The following ACOT11 variants were observed in gnomAD, a reference collection of about 807,000 sequenced individuals.
ACOT11 encodes acyl-CoA thioesterase 11.
Under a neutral mutation model 77.5 loss-of-function variants are expected in ACOT11, and 69 were observed. The ratio of observed to expected loss-of-function variants is 0.89; its 90% CI spans 0.73 to 1.09. The LOEUF is 1.09. Ranked by LOEUF, ACOT11 falls within the 50% of genes least tolerant of loss-of-function variation. The pLI is 0.00. For synonymous variants in ACOT11, 279 were observed against 313.0 expected (o/e 0.89, Z 1.15); for missense variants, 766 against 813.7 (o/e 0.94, Z 0.71).
intron 1 of ACOT11, among the ~76,000 whole-genome samples, chr1:54,576,881 G>A (rs1258852549): frequency 6.6e-6 from 1 of 152,134 alleles, no homozygotes; most frequent in Non-Finnish European, 1.5e-5. Context: ...GGATTGGAAA[G>A]AATCTTGGAG....
In ACOT11 at chr1:54,609,840, C is replaced by T; in HGVS notation, c.*728C>T. 6.2e-7 allele frequency: 1 copy of T among 1,614,118 alleles called. No individual in the cohort carries two copies. Among genetic ancestry groups the T allele is most frequent in the Non-Finnish European group, 8.5e-7 (1 of 1,180,030 alleles). ...GTGGCCAGCTGCTGCAGGCAGGACT[C>T]CAGCGTCAGGATGTTGCCACTTGGA... On this transcript the variant is annotated 3_prime_UTR_variant, in exon 16 of 16. Transcript: ENST00000343744.
intron 1 of ACOT11, among the ~76,000 whole-genome samples, chr1:54,560,201 C>G (rs541089391): frequency 1.8e-4 from 28 of 152,284 alleles, no homozygotes; most frequent in African/African-American, 6.7e-4. Flanking sequence ...CAGCACAGCA[C>G]AGCACAGCCA....
At chr1:54,602,137 C>T (rs143925177) in intron 9 of ACOT11, among the ~76,000 whole-genome samples, 117 of 152,288 alleles carry the variant, frequency 7.7e-4, no homozygotes, top group African/African-American at 2.5e-3. Flanking sequence ...GGCTGGAGGA[C>T]GTTAGATGTG....
rs1364332526 is a variant in ACOT11 at position 54,607,849 on chromosome 1, AG to A, written c.1503-88del. 3.3e-6 allele frequency: 5 copies of A among 1,525,374 alleles called. No homozygotes were observed. The East Asian group carries it at 9.1e-5, about 28-fold the overall frequency. 94.5% of individuals were successfully genotyped at this position (1,525,374 alleles called of 1,614,324 possible). A position where few individuals can be genotyped will look rare whatever the true frequency, so the allele number is the denominator to read the frequency against. Reference sequence around the variant, plus strand: ...CCCCCTGGTGAGGAATCTGTGCTAGAGGGGGCAGGGTCTCGGCCTTGGTTGG... The same window carrying A: ...CCCCCTGGTGAGGAATCTGTGCTAGAGGGGCAGGGTCTCGGCCTTGGTTGG... On this transcript the variant is annotated intron_variant, in intron 14 of 15. Coordinates refer to ENST00000343744, the MANE Select transcript of ACOT11 (RefSeq NM_147161.4). This position sits in a 1 kb window ranked among gnomAD's most constrained non-coding sequence, Gnocchi z 4.5.
Position 54,603,929 on chromosome 1 carries a change from A to G in ACOT11, c.1144A>G (p.Ser382Gly), listed in dbSNP as rs1362365728. ...EVPLSVPWDP[S>G]NQVYLSYNNV... ...GCCCCTCTCCGTCCCCTGGGACCCT[A>G]GCAACCAGGTAAGGCTCTCTGCTCC... Residue 382 changes from serine (S) to glycine (G), a missense_variant, in exon 11 of 16, where the codon AGC (serine) becomes GGC (glycine). Coordinates refer to ENST00000343744, the MANE Select transcript of ACOT11 (RefSeq NM_147161.4). The G allele has an allele frequency of 1.2e-6, 2 of 1,613,964 alleles. No homozygotes were observed. The highest frequency in any genetic ancestry group is 1.1e-5 in the South Asian group (1 of 91,060).
rs771161344 is a variant in ACOT11 at position 54,616,038 on chromosome 1, G to A, written c.1629+7970G>A. 7 of 1,613,976 alleles carry A rather than the reference G, an allele frequency of 4.3e-6. No homozygotes were observed. The South Asian group carries it at 6.6e-5, about 15-fold the overall frequency. On this transcript the variant is annotated intron_variant, in intron 15 of 16. Coordinates refer to the ACOT11 transcript ENST00000371316. ...CCCTTACCCTTTTGGGAAGAGCCCA[G>A]CACAGCGTCCAGCCACTGCTCCAGT...
At chr1:54,588,609 C>T (rs1654589565) in intron 3 of ACOT11, among the ~76,000 whole-genome samples, 1 of 152,104 alleles carries the variant, frequency 6.6e-6, no homozygotes, top group African/African-American at 2.4e-5. Flanking sequence ...GGGGGGACTT[C>T]CTGGAGGACG....
intron 1 of ACOT11, among the ~76,000 whole-genome samples, chr1:54,567,643 G>T (rs1014709613): frequency 6.0e-4 from 91 of 150,990 alleles, no homozygotes; most frequent in African/African-American, 2.2e-3. Flanking sequence ...TCCCCTAGCC[G>T]CTCGCAAACC....
intron 5 of ACOT11, 80 bp downstream of exon 5, chr1:54,594,119 A>C (rs1405963207): frequency 1.5e-6 from 2 of 1,336,456 alleles, no homozygotes; most frequent in Admixed American, 1.9e-5. Flanking sequence ...CAGGGGAATG[A>C]GGTTAGGGGT....
intron 1 of ACOT11, chr1:54,582,348 G>A: frequency 1.4e-6 from 1 of 700,296 alleles, no homozygotes; most frequent in Non-Finnish European, 1.8e-6. Flanking sequence ...GTCTCTGTTT[G>A]TCCCTCCACA....
chr1:54,596,150 G>C (rs1321103214), intron 6 of ACOT11, among the ~76,000 whole-genome samples: 5 of 152,014 alleles, frequency 3.3e-5, no homozygotes, highest in African/African-American at 9.7e-5. Context: ...GCTTCACTGG[G>C]TACTGTCTCT....
In ACOT11 at chr1:54,609,585, G is replaced by A; in HGVS notation, c.*473G>A. 1 of 1,613,032 alleles carries A rather than the reference G, an allele frequency of 6.2e-7. No individual in the cohort carries two copies. The highest frequency in any genetic ancestry group is 8.5e-7 in the Non-Finnish European group (1 of 1,180,026). On this transcript the variant is annotated 3_prime_UTR_variant, in exon 16 of 16. Transcript: ENST00000343744. Reference sequence around the variant, plus strand: ...TAGCCACTGCCCAGCACCTCCTCAGGCCAGCCTGGTGCCACAGTCACGTGG... The same window carrying A: ...TAGCCACTGCCCAGCACCTCCTCAGACCAGCCTGGTGCCACAGTCACGTGG...
intron 12 of ACOT11, 36 bp downstream of exon 12, chr1:54,604,465 T>A: frequency 6.2e-7 from 1 of 1,600,256 alleles, no homozygotes; most frequent in Non-Finnish European, 8.6e-7. Flanking sequence ...TCCTTTCTCA[T>A]CTGAGCCAGA....
chr1:54,617,974 G>A (rs12073646), intron 15 of ACOT11, among the ~76,000 whole-genome samples: 32,372 of 151,476 alleles, frequency 0.21, 3,467 homozygotes, highest in Non-Finnish European at 0.23. Context: ...TGATCCACCC[G>A]CCTCAGCCTC....
chr1:54,548,427 G>A (rs3753011), intron 1 of ACOT11, 85 bp downstream of exon 1: 96,083 of 1,463,056 alleles, frequency 0.066, 3,377 homozygotes, highest in East Asian at 0.09. Context: ...TAACTCAGAC[G>A]CTCTGCATCT....
chr1:54,556,098 G>A (rs1169485911), intron 1 of ACOT11, among the ~76,000 whole-genome samples: 1 of 152,112 alleles, frequency 6.6e-6, no homozygotes. Context: ...TTTTCTACAT[G>A]TGGGTTTCCA....
chr1:54,597,455 T>A lies in ACOT11; in HGVS notation c.764+40T>A, dbSNP rs756037646. 1.9e-6 allele frequency: 3 copies of A among 1,552,040 alleles called. No individual in the cohort carries two copies. In the African/African-American group the frequency reaches 4.1e-5, roughly 21 times the overall value. ...TGCTGCCTCTGCCTCCCCTCCTTTC[T>A]CCTCCTCCTCCCCTTGGCTACCTCC... On this transcript the variant is annotated intron_variant, in intron 7 of 15. Transcript: ENST00000343744.
intron 1 of ACOT11, among the ~76,000 whole-genome samples, chr1:54,560,441 C>T (rs150066653): frequency 1.2e-4 from 18 of 152,254 alleles, no homozygotes; most frequent in African/African-American, 4.3e-4. Flanking sequence ...ATATGTATAT[C>T]CTGCCTAGGG....
At position 54,609,769 on chromosome 1, in the gene ACOT11, T is replaced by C. The variant is rs371751366; in HGVS notation, c.*657T>C. The C allele has an allele frequency of 6.2e-7, 1 of 1,614,158 alleles. No homozygotes were observed. The highest frequency in any genetic ancestry group is 1.1e-5 in the South Asian group (1 of 91,086). ...GCAAGGCCAGGGATGGCCGGAGGGC[T>C]GCGGGCTCCGCTATTTGCAAATGGA... On this transcript the variant is annotated 3_prime_UTR_variant, in exon 16 of 16. Coordinates refer to ENST00000343744, the MANE Select transcript of ACOT11 (RefSeq NM_147161.4).
Sources: gnomAD v4.1 joint callset for allele counts (sites outside exome capture counted in the v4.1 genomes callset) on GRCh38, gnomAD v4.1.1 for gene constraint, Gnocchi (gnomAD v3.1) non-coding constraint, MANE v1.5 for transcripts, NCBI Gene and HGNC (gene_info 2026-07-23, HGNC 2026-07-21) for gene names.